The following TMEM232 variants were observed in gnomAD, a reference collection of about 807,000 sequenced individuals.
The protein encoded by TMEM232 is transmembrane protein 232.
In TMEM232, 80 loss-of-function variants were observed where a neutral mutation model predicts 78.8. That is an observed-to-expected ratio of 1.01 (90% CI 0.85 to 1.22). TMEM232 has a LOEUF of 1.22. Ranked by LOEUF, TMEM232 falls within the 50% of genes most tolerant of loss-of-function variation. TMEM232 has a pLI of 0.00. For synonymous variants in TMEM232, 297 were observed against 254.3 expected (o/e 1.17, Z -1.60); for missense variants, 881 against 742.2 (o/e 1.19, Z -2.17).
chr5:110,548,921 G>A (rs1419817743), intron 11 of TMEM232, among the ~76,000 whole-genome samples: 1 of 151,868 alleles, frequency 6.6e-6, no homozygotes, highest in African/African-American at 2.4e-5. Context: ...TGTAGTGATT[G>A]ATCATAATAA....
intron 12 of TMEM232, among the ~76,000 whole-genome samples, chr5:110,490,483 C>G (rs1764968174): frequency 6.6e-6 from 1 of 152,124 alleles, no homozygotes; most frequent in South Asian, 2.1e-4. Context: ...AAACACAAGC[C>G]TTCCATTTTG....
chr5:110,640,890 C>T lies in TMEM232; in HGVS notation c.343+1G>A. The T allele has an allele frequency of 6.6e-7, 1 of 1,511,322 alleles. No individual in the cohort carries two copies. The highest frequency in any genetic ancestry group is 8.9e-7 in the Non-Finnish European group (1 of 1,125,526). The allele number at this position is 1,511,322 out of a possible 1,614,324, so 93.6% of individuals were successfully genotyped here. On this transcript the variant is annotated splice_donor_variant, in intron 4 of 13. Transcript: ENST00000455884. LOFTEE classifies it high-confidence loss of function. Reference sequence around the variant, plus strand: ...GCCTAATAAGAATTTAAAGTACGTACCATCTTGGATTTCCCCTTTGCATTG... The same window carrying T: ...GCCTAATAAGAATTTAAAGTACGTATCATCTTGGATTTCCCCTTTGCATTG...
At chr5:110,489,519 CA>C (rs1764810135) in intron 12 of TMEM232, among the ~76,000 whole-genome samples, 2 of 152,002 alleles carry the variant, frequency 1.3e-5, no homozygotes, top group Non-Finnish European at 2.9e-5. Context: ...ACCTGATAAA[CA>C]GTATATGTGA....
At chr5:110,468,186 C>G (rs1375335447) in intron 12 of TMEM232, among the ~76,000 whole-genome samples, 2 of 151,268 alleles carry the variant, frequency 1.3e-5, no homozygotes, top group Non-Finnish European at 3.0e-5. Flanking sequence ...ATAATGGAAC[C>G]CAGAATACAA....
rs547228803 is a variant in TMEM232 at position 110,403,542 on chromosome 5, A to G, written n.309-5688T>C. Among the ~76,000 whole-genome samples, 8 of 152,224 alleles carry G rather than the reference A, an allele frequency of 5.3e-5. No homozygotes were observed. The South Asian group carries it at 1.7e-3, about 32-fold the overall frequency. On this transcript the variant is annotated intron_variant and non_coding_transcript_variant, in intron 2 of 8. Coordinates refer to the TMEM232 transcript ENST00000507188. ...CATTCATAGCTCAGAAGATTTTAAA[A>G]TTATATCAGAAGATATCTAAAGCTT...
At chr5:110,500,457 C>T (rs1444353299) in intron 12 of TMEM232, among the ~76,000 whole-genome samples, 1 of 151,756 alleles carries the variant, frequency 6.6e-6, no homozygotes, top group African/African-American at 2.4e-5. Context: ...TTTCAATGAC[C>T]ATGAGTCAAA....
intron 10 of TMEM232, among the ~76,000 whole-genome samples, chr5:110,591,475 A>G (rs1245076047): frequency 6.6e-6 from 1 of 152,326 alleles, no homozygotes; most frequent in East Asian, 1.9e-4. Context: ...AAGCATTACA[A>G]AAAGAAATAC....
At chr5:110,493,994 T>C (rs527903122) in intron 12 of TMEM232, among the ~76,000 whole-genome samples, 2 of 152,162 alleles carry the variant, frequency 1.3e-5, no homozygotes, top group South Asian at 2.1e-4. Context: ...TATGTTCTCA[T>C]TGTCCAACTC....
chr5:110,577,306 A>C (rs1275742881), intron 10 of TMEM232, among the ~76,000 whole-genome samples: 8 of 152,192 alleles, frequency 5.3e-5, no homozygotes, highest in African/African-American at 1.9e-4. Flanking sequence ...TGGAAATGCA[A>C]ATCAAAACCA....
At chr5:110,670,596 A>C (rs957342064) in intron 1 of TMEM232, among the ~76,000 whole-genome samples, 1 of 152,020 alleles carries the variant, frequency 6.6e-6, no homozygotes, top group South Asian at 2.1e-4. Flanking sequence ...AATAATCCAC[A>C]TGCATCAGAA....
At chr5:110,387,689 C>A (rs1185920694) in intron 5 of TMEM232, 1 of 151,912 alleles carries the variant, frequency 6.6e-6, no homozygotes, top group Non-Finnish European at 1.5e-5. Context: ...TTATAAAAAT[C>A]CATAAAAATC....
In TMEM232 at chr5:110,618,497, G is replaced by A; in HGVS notation, c.834C>T (p.Asn278=). The change falls in exon 8 of 14, where the codon AAC becomes AAT. Residue 278 remains asparagine, a synonymous_variant. Coordinates refer to ENST00000455884, the MANE Select transcript of TMEM232 (RefSeq NM_001039763.4). ...CVAAWSCVQN[N]SPQLNNVLEH... is the part of the protein sequence containing the mutation. ...CAAGCACGTTATTCAACTGAGGACT[G>A]TTATTCTGAACACAAGACCAAGCAG... 2 of 1,551,654 alleles carry A rather than the reference G, an allele frequency of 1.3e-6. No homozygotes were observed. The highest frequency in any genetic ancestry group is 1.7e-6 in the Non-Finnish European group (2 of 1,146,846).
Position 110,396,449 on chromosome 5 carries a change from C to A in TMEM232, n.390+1324G>T, listed in dbSNP as rs74613037. Among the ~76,000 whole-genome samples the A allele has an allele frequency of 5.6e-3, 851 of 152,246 alleles. 5 individuals carry two copies. The highest frequency in any genetic ancestry group is 9.5e-3 in the Non-Finnish European group (643 of 68,016). On this transcript the variant is annotated intron_variant and non_coding_transcript_variant, in intron 3 of 8. Transcript: ENST00000507188. ...TACTGAATATTCTCTTTAGTTGCTG[C>A]AGTAAATCCTAACTGTAAACTGTAT...
At chr5:110,451,005 T>G (rs778294536) in intron 12 of TMEM232, among the ~76,000 whole-genome samples, 16 of 152,092 alleles carry the variant, frequency 1.1e-4, no homozygotes, top group Non-Finnish European at 2.2e-4. Flanking sequence ...CCTGGGTCAC[T>G]AAGAAAAGAA....
intron 10 of TMEM232, among the ~76,000 whole-genome samples, chr5:110,598,314 C>T (rs541628604): frequency 6.6e-6 from 1 of 152,088 alleles, no homozygotes; most frequent in Non-Finnish European, 1.5e-5. Context: ...CAATGAGATA[C>T]CATCTCACAC....
intron 12 of TMEM232, among the ~76,000 whole-genome samples, chr5:110,524,413 AAGAAAAGAAAAG>A (rs1770206532): frequency 1.5e-5 from 1 of 65,900 alleles, no homozygotes; most frequent in South Asian, 5.0e-4. Flanking sequence ...GAAAGAAAGA[AAGAAAAGAAAAG>A]AAAAGAAAAG....
intron 12 of TMEM232, among the ~76,000 whole-genome samples, chr5:110,481,933 T>A (rs1030927010): frequency 6.6e-6 from 1 of 152,176 alleles, no homozygotes; most frequent in Admixed American, 6.5e-5. Flanking sequence ...TAGCGCACAC[T>A]AGCTAGCAAT....
chr5:110,410,220 A>T (rs1310532279), intron 2 of TMEM232, among the ~76,000 whole-genome samples: 2 of 152,172 alleles, frequency 1.3e-5, no homozygotes, highest in African/African-American at 4.8e-5. Context: ...CTTCCAATTC[A>T]TTGTGAAGGT....
At position 110,520,863 on chromosome 5, in the gene TMEM232, A is replaced by G. The variant is rs1386593630; in HGVS notation, c.1703+7725T>C. Among the ~76,000 whole-genome samples the G allele has an allele frequency of 3.9e-5, 6 of 152,208 alleles. No homozygotes were observed. The East Asian group carries it at 1.2e-3, about 29-fold the overall frequency. On this transcript the variant is annotated intron_variant, in intron 12 of 13. Coordinates refer to ENST00000455884, the MANE Select transcript of TMEM232 (RefSeq NM_001039763.4). Reference sequence around the variant, plus strand: ...AACCCAAGAGGCAGAGGTTGTGGTAAGCCAAGATCGCACCATTGCACTACA... The same window carrying G: ...AACCCAAGAGGCAGAGGTTGTGGTAGGCCAAGATCGCACCATTGCACTACA...
Sources: allele counts gnomAD v4.1 joint callset (sites outside exome capture counted in the v4.1 genomes callset), GRCh38; gene constraint gnomAD v4.1.1; transcripts MANE v1.5; gene names NCBI Gene and HGNC (gene_info 2026-07-23, HGNC 2026-07-21).